The following RRH variants were observed in gnomAD, a reference collection of about 807,000 sequenced individuals.
RRH encodes the protein visual pigment-like receptor peropsin.
A neutral mutation model predicts 33.1 loss-of-function variants in RRH; 36 were observed. The ratio of observed to expected loss-of-function variants is 1.09; its 90% CI spans 0.83 to 1.44. The LOEUF is 1.44. Ranked by LOEUF, RRH falls within the 40% of genes most tolerant of loss-of-function variation. The probability of loss-of-function intolerance (pLI) is 0.00; values close to 1 mark genes in which losing one functional copy is unlikely to be tolerated. For synonymous variants in RRH, 124 were observed against 140.2 expected, an observed-to-expected ratio of 0.88 and a Z score of 0.82; for missense variants, 393 against 420.2, an observed-to-expected ratio of 0.94 and a Z score of 0.57.
Position 109,836,033 on chromosome 4 carries a change from A to G in RRH, c.424A>G (p.Ile142Val), listed in dbSNP as rs765834157. 2 of 1,614,174 alleles carry G rather than the reference A, an allele frequency of 1.2e-6. No individual in the cohort carries two copies. The highest frequency in any genetic ancestry group is 1.7e-6 in the Non-Finnish European group (2 of 1,180,022). ...GAGAAGAATGACCACCAACACTTAC[A>G]TCGGCTTGATTCTGGGAGCCTGGAT... ...VGRRMTTNTY[I>V]GLILGAWING... The change falls in exon 4 of 7, where the codon ATC becomes GTC. Residue 142 changes from isoleucine to valine, a missense_variant. Coordinates refer to ENST00000317735, the MANE Select transcript of RRH (RefSeq NM_006583.5).
At chr4:109,830,409 T>C (rs910471578) in intron 1 of RRH, among the ~76,000 whole-genome samples, 5 of 152,138 alleles carry the variant, frequency 3.3e-5, no homozygotes, top group Non-Finnish European at 5.9e-5. Context: ...ATTGCAGTGA[T>C]TCTGAGGAGG....
intron 2 of RRH, among the ~76,000 whole-genome samples, chr4:109,834,360 C>G (rs1340085208): frequency 1.4e-5 from 2 of 146,038 alleles, no homozygotes; most frequent in Non-Finnish European, 3.0e-5. Context: ...GATGGAGTCA[C>G]GCTCCGTTGC....
At chr4:109,839,195 G>C (rs1415527291) in intron 5 of RRH, among the ~76,000 whole-genome samples, 1 of 151,210 alleles carries the variant, frequency 6.6e-6, no homozygotes, top group Non-Finnish European at 1.5e-5. Context: ...GCCAACCCTT[G>C]GGTGCAAAAT....
At chr4:109,831,741 C>A (rs1733754750) in intron 1 of RRH, among the ~76,000 whole-genome samples, 1 of 152,168 alleles carries the variant, frequency 6.6e-6, no homozygotes, top group Non-Finnish European at 1.5e-5. Flanking sequence ...TAGAGAGTGA[C>A]AACAGATGAG....
At chr4:109,833,505 C>T (rs1036542113) in intron 2 of RRH, among the ~76,000 whole-genome samples, 176 bp downstream of exon 2, 1 of 152,070 alleles carries the variant, frequency 6.6e-6, no homozygotes, top group Non-Finnish European at 1.5e-5. Context: ...GAAATTAAAT[C>T]ACCAACCATT....
chr4:109,835,259 T>TA, intron 2 of RRH, 107 bp from the exon 3 acceptor site: 1 of 742,094 alleles, frequency 1.3e-6, no homozygotes, highest in South Asian at 1.5e-5. Context: ...AGTAGTAAAG[T>TA]AAAAAACCTT....
At chr4:109,832,014 C>T (rs946727081) in intron 1 of RRH, among the ~76,000 whole-genome samples, 1 of 151,806 alleles carries the variant, frequency 6.6e-6, no homozygotes, top group Non-Finnish European at 1.5e-5. Context: ...GGAAACTGTC[C>T]CTCTCTGACA....
At chr4:109,829,604 C>G (rs12504835) in intron 1 of RRH, among the ~76,000 whole-genome samples, 25,776 of 151,978 alleles carry the variant, frequency 0.17, 2,668 homozygotes, top group Admixed American at 0.33. Flanking sequence ...GTTCTAAAAC[C>G]TTACACATAC....
At chr4:109,829,434 C>G (rs1483660924) in intron 1 of RRH, among the ~76,000 whole-genome samples, 4 of 149,230 alleles carry the variant, frequency 2.7e-5, no homozygotes, top group Non-Finnish European at 5.9e-5. Context: ...AAAAAAAATC[C>G]AAAAAACAAC....
chr4:109,832,010 T>A (rs1579359434), intron 1 of RRH, among the ~76,000 whole-genome samples: 1 of 152,028 alleles, frequency 6.6e-6, no homozygotes, highest in Admixed American at 6.6e-5. Context: ...GCTTGGAAAC[T>A]GTCCCTCTCT....
chr4:109,836,981 G>A (rs1384830354), intron 4 of RRH, among the ~76,000 whole-genome samples: 2 of 151,810 alleles, frequency 1.3e-5, no homozygotes, highest in African/African-American at 4.8e-5. Flanking sequence ...TCAGCTACTC[G>A]GTTGGCTAAA....
rs1375193606 is a variant in RRH at position 109,835,471 on chromosome 4, A to G, written c.397+6A>G. On this transcript the variant is annotated splice_donor_region_variant and intron_variant, in intron 3 of 6. Transcript: ENST00000317735. ...CATCTGCCTTCCTGACGTAGGTACAACACTTTTCTCAGCTTTCTTAATGAA... is the reference window on the plus strand; with the variant it reads ...CATCTGCCTTCCTGACGTAGGTACAGCACTTTTCTCAGCTTTCTTAATGAA... 2 of 1,601,812 alleles carry G rather than the reference A, an allele frequency of 1.2e-6. No individual in the cohort carries two copies. The highest frequency in any genetic ancestry group is 2.2e-5 in the East Asian group (1 of 44,826).
At chr4:109,832,530 GTGT>G (rs1733779584) in intron 1 of RRH, among the ~76,000 whole-genome samples, 1 of 146,370 alleles carries the variant, frequency 6.8e-6, no homozygotes, top group African/African-American at 2.5e-5. Context: ...GTGTGTGTGT[GTGT>G]TGGAATGAAG....
At chr4:109,833,374 A>T in intron 2 of RRH, 45 bp downstream of exon 2, 1 of 1,465,736 alleles carries the variant, frequency 6.8e-7, no homozygotes, top group Non-Finnish European at 9.5e-7. Context: ...TAGATCAAAT[A>T]AATGTAAATT....
chr4:109,837,645 C>CT, intron 5 of RRH, 40 bp downstream of exon 5: 2 of 1,518,932 alleles, frequency 1.3e-6, no homozygotes, highest in Non-Finnish European at 9.1e-7. Flanking sequence ...TGTCATGGAG[C>CT]TTTTACCCAC....
At chr4:109,834,741 G>A (rs1306033273) in intron 2 of RRH, among the ~76,000 whole-genome samples, 1 of 152,010 alleles carries the variant, frequency 6.6e-6, no homozygotes, top group Non-Finnish European at 1.5e-5. Flanking sequence ...TTGCTTAGGA[G>A]TGGAATGGTT....
chr4:109,840,748 T>G (rs34706258), intron 5 of RRH, among the ~76,000 whole-genome samples: 31,273 of 151,644 alleles, frequency 0.21, 3,955 homozygotes, highest in Admixed American at 0.34. Context: ...ACTGTTTTTT[T>G]TTTTTTCTTT....
chr4:109,833,593 C>A (rs1279770337), intron 2 of RRH, among the ~76,000 whole-genome samples: 1 of 151,978 alleles, frequency 6.6e-6, no homozygotes, highest in African/African-American at 2.4e-5. Flanking sequence ...GAGAAGAGTG[C>A]TGATTTGCAT....
chr4:109,831,669 A>C (rs116463209), intron 1 of RRH, among the ~76,000 whole-genome samples: 1 of 152,142 alleles, frequency 6.6e-6, no homozygotes, highest in Non-Finnish European at 1.5e-5. Flanking sequence ...TGAGTCAAGC[A>C]TGGTGTATCT....
Sources: allele counts gnomAD v4.1 joint callset (sites outside exome capture counted in the v4.1 genomes callset), GRCh38; gene constraint gnomAD v4.1.1; transcripts MANE v1.5; gene names NCBI Gene and HGNC (gene_info 2026-07-23, HGNC 2026-07-21).